The following NCKAP1 variants were observed in gnomAD, a reference collection of about 807,000 sequenced individuals.
The protein encoded by NCKAP1 is NCK associated protein 1.
NCKAP1 carries 21 observed loss-of-function variants against 151.2 expected under a neutral mutation model. The observed-to-expected ratio is 0.14, with a 90% CI of 0.10 to 0.20. The LOEUF is 0.20. Among genes scored for constraint, NCKAP1 ranks in the 10% least tolerant of loss-of-function variants. NCKAP1 has a pLI of 1.00. For missense variants in NCKAP1, 933 were observed against 1,352.1 expected, an observed-to-expected ratio of 0.69 and a Z score of 4.86; for synonymous variants, 484 against 451.8, an observed-to-expected ratio of 1.07 and a Z score of -0.90.
intron 2 of NCKAP1, among the ~76,000 whole-genome samples, chr2:183,019,420 A>G (rs894546547): frequency 1.3e-5 from 2 of 152,198 alleles, no homozygotes; most frequent in African/African-American, 4.8e-5. Flanking sequence ...ATTTGCTTAC[A>G]TTGCCTTTTA....
At chr2:182,994,932 A>G (rs372011202) in intron 7 of NCKAP1, 45 bp from the exon 8 acceptor site, 106 of 1,483,266 alleles carry the variant, frequency 7.1e-5, no homozygotes, top group Non-Finnish European at 9.2e-5. Context: ...GAAATTCTAA[A>G]AAATATTCCA....
intron 8 of NCKAP1, among the ~76,000 whole-genome samples, chr2:182,993,986 T>C (rs1698218667): frequency 6.6e-6 from 1 of 152,216 alleles, no homozygotes; most frequent in South Asian, 2.1e-4. Flanking sequence ...TTCAACTTTC[T>C]TGATGTTCAC....
intron 2 of NCKAP1, among the ~76,000 whole-genome samples, chr2:183,004,447 T>A (rs188697378): frequency 7.3e-6 from 1 of 137,606 alleles, no homozygotes; most frequent in Non-Finnish European, 1.5e-5. Context: ...GAGGAATATA[T>A]ATATATTTTT....
chr2:182,935,329 T>C lies in NCKAP1; in HGVS notation c.2742A>G (p.Leu914=), dbSNP rs1194884902. Residue 914 remains leucine (L), a synonymous_variant, in exon 25 of 31, where the codon TTA becomes TTG. Transcript: ENST00000361354. ...CTTCTTGTGCCAATGATCGGAAGGA[T>C]AAAATTACACCAATTATTGTCATCC... ...LKRMTIIGVI[L]SFRSLAQEAL... 12 of 1,592,264 alleles carry C rather than the reference T, an allele frequency of 7.5e-6. No homozygotes were observed. Among genetic ancestry groups the C allele is most frequent in the Non-Finnish European group, 1.0e-5 (12 of 1,173,024 alleles).
At chr2:182,953,563 G>A (rs1043857368) in intron 20 of NCKAP1, among the ~76,000 whole-genome samples, 2 of 152,214 alleles carry the variant, frequency 1.3e-5, no homozygotes, top group African/African-American at 4.8e-5. Context: ...CATTTTGGGA[G>A]GACGAGGCGG....
Position 182,915,673 on chromosome 2 carries a change from T to C in NCKAP1, c.*10029A>G, listed in dbSNP as rs889305221. On this transcript the variant is annotated 3_prime_UTR_variant, in exon 31 of 31. Transcript: ENST00000361354. ...GATGACATGAGATCATCAGACCAGCTTGACTATAGGAGGCATTTCTGTAAA... is the reference window on the plus strand; with the variant it reads ...GATGACATGAGATCATCAGACCAGCCTGACTATAGGAGGCATTTCTGTAAA... The C allele has an allele frequency of 3.9e-5, 6 of 152,174 alleles. No individual in the cohort carries two copies. The highest frequency in any genetic ancestry group is 2.0e-4 in the Admixed American group (3 of 15,274). The allele number at this position is 152,174 out of a possible 1,614,324, so 9.4% of individuals were successfully genotyped here. A position where few individuals can be genotyped will look rare whatever the true frequency, so the allele number is the denominator to read the frequency against.
intron 20 of NCKAP1, 96 bp from the exon 21 acceptor site, chr2:182,953,427 C>A: frequency 2.8e-6 from 2 of 717,740 alleles, no homozygotes; most frequent in South Asian, 2.4e-5. Context: ...ATTAAACAAG[C>A]AATAAAATTA....
Position 182,999,368 on chromosome 2 carries a change from A to G in NCKAP1, c.603+2585T>C, listed in dbSNP as rs567680523. Among the ~76,000 whole-genome samples, 34 of 152,212 alleles carry G rather than the reference A, an allele frequency of 2.2e-4. 1 individual carries two copies. The highest frequency in any genetic ancestry group is 7.9e-4 in the African/African-American group (33 of 41,522). ...AACACTTCTCAAAAGAATACATATA[A>G]CCACCCAACAAACATATGAAAAAAT... On this transcript the variant is annotated intron_variant, in intron 6 of 30. Coordinates refer to ENST00000361354, the MANE Select transcript of NCKAP1 (RefSeq NM_013436.5).
chr2:182,962,674 G>C (rs531384551), intron 17 of NCKAP1, among the ~76,000 whole-genome samples: 1 of 152,058 alleles, frequency 6.6e-6, no homozygotes, highest in African/African-American at 2.4e-5. Context: ...TAAAATCTGT[G>C]TCTCTATAAA....
chr2:183,025,610 T>C (rs768281710), intron 1 of NCKAP1, among the ~76,000 whole-genome samples: 1 of 152,170 alleles, frequency 6.6e-6, no homozygotes, highest in Non-Finnish European at 1.5e-5. Context: ...ATTACTACTA[T>C]GTAAATTCCA....
At position 183,009,231 on chromosome 2, in the gene NCKAP1, G is replaced by A. The variant is rs576826817; in HGVS notation, c.220-5906C>T. 5.9e-5 allele frequency among the ~76,000 whole-genome samples: 9 copies of A among 151,918 alleles called. No individual in the cohort carries two copies. The South Asian group carries it at 6.2e-4, about 11-fold the overall frequency. On this transcript the variant is annotated intron_variant, in intron 2 of 30. Coordinates refer to ENST00000361354, the MANE Select transcript of NCKAP1 (RefSeq NM_013436.5). Reference sequence around the variant, plus strand: ...TCTACTAAAAATACAAAAATTAGCCGGCATGGCAGGTTAGCCACCTGTGGT... The same window carrying A: ...TCTACTAAAAATACAAAAATTAGCCAGCATGGCAGGTTAGCCACCTGTGGT...
At chr2:183,001,632 A>G (rs1479101793) in intron 6 of NCKAP1, among the ~76,000 whole-genome samples, 1 of 152,194 alleles carries the variant, frequency 6.6e-6, no homozygotes, top group African/African-American at 2.4e-5. Flanking sequence ...ATATTATACT[A>G]TAATTTGCAG....
Position 182,920,146 on chromosome 2 carries a change from A to AT in NCKAP1, c.*5555dup, listed in dbSNP as rs1341833169. On this transcript the variant is annotated 3_prime_UTR_variant, in exon 31 of 31. Transcript: ENST00000361354. ...TCACACCCGGCTTTTTCATTTTTGT[A>AT]TTTTTTTTGTAGAGATGGGGTTTAG... The AT allele has an allele frequency of 1.1e-4, 17 of 151,496 alleles. No individual in the cohort carries two copies. Among genetic ancestry groups the AT allele is most frequent in the African/African-American group, 2.7e-4 (11 of 41,292 alleles). 9.4% of individuals were successfully genotyped at this position (151,496 alleles called of 1,614,324 possible).
At chr2:183,009,251 T>C (rs1024961752) in intron 2 of NCKAP1, among the ~76,000 whole-genome samples, 8 of 151,914 alleles carry the variant, frequency 5.3e-5, no homozygotes, top group Non-Finnish European at 8.8e-5. Context: ...GTTAGCCACC[T>C]GTGGTCCCAG....
chr2:182,998,222 G>A (rs1698307587), intron 6 of NCKAP1, among the ~76,000 whole-genome samples: 1 of 152,054 alleles, frequency 6.6e-6, no homozygotes, highest in African/African-American at 2.4e-5. Context: ...CCAATATACG[G>A]AATGGGCAAA....
At chr2:182,936,809 G>A (rs1291498267) in intron 24 of NCKAP1, among the ~76,000 whole-genome samples, 1 of 152,164 alleles carries the variant, frequency 6.6e-6, no homozygotes, top group Non-Finnish European at 1.5e-5. Flanking sequence ...ACTCAGCACA[G>A]TGTCTGATAC....
rs553653184 is a variant in NCKAP1 at position 182,935,574 on chromosome 2, G to A, written c.2696-199C>T. ...ATATTTAAACTGGTTAAACTTTTAA[G>A]TAACTATAGTTTCCATCAAATGGAG... On this transcript the variant is annotated intron_variant, in intron 24 of 30. Coordinates refer to ENST00000361354, the MANE Select transcript of NCKAP1 (RefSeq NM_013436.5). 2.9e-4 allele frequency: 116 copies of A among 406,040 alleles called. 2 individuals carry two copies. The South Asian group carries it at 6.0e-3, about 21-fold the overall frequency. 25.2% of individuals were successfully genotyped at this position (406,040 alleles called of 1,614,324 possible). A position where few individuals can be genotyped will look rare whatever the true frequency, so the allele number is the denominator to read the frequency against.
intron 12 of NCKAP1, among the ~76,000 whole-genome samples, chr2:182,982,399 C>T (rs1398070404): frequency 6.6e-6 from 1 of 152,122 alleles, no homozygotes; most frequent in Non-Finnish European, 1.5e-5. Context: ...TGGTGCACAA[C>T]TTACAGTGAT....
intron 11 of NCKAP1, 36 bp downstream of exon 11, chr2:182,983,250 T>C (rs373610366): frequency 1.3e-6 from 2 of 1,482,086 alleles, no homozygotes; most frequent in Non-Finnish European, 9.2e-7. Flanking sequence ...AATTTTAATA[T>C]GGCACAATTA....
Sources: gnomAD v4.1 joint callset for allele counts (sites outside exome capture counted in the v4.1 genomes callset) on GRCh38, gnomAD v4.1.1 for gene constraint, MANE v1.5 for transcripts, NCBI Gene and HGNC (gene_info 2026-07-23, HGNC 2026-07-21) for gene names.